The following USP7 variants were observed in gnomAD, a reference collection of about 807,000 sequenced individuals.
USP7 encodes the protein ubiquitin specific peptidase 7.
Under a neutral mutation model 162.9 loss-of-function variants are expected in USP7, and 9 were observed. That is an observed-to-expected ratio of 0.06 (90% CI 0.03 to 0.10). USP7 has a LOEUF of 0.10. USP7 is among the 10% of genes least tolerant of loss of function. The pLI is 1.00. For missense variants in USP7, 715 were observed against 1,373.7 expected, an observed-to-expected ratio of 0.52 and a Z score of 7.58; for synonymous variants, 562 against 475.9, an observed-to-expected ratio of 1.18 and a Z score of -2.35.
At position 8,931,234 on chromosome 16, in the gene USP7, C is replaced by G. The variant is rs189890781; in HGVS notation, c.80-837G>C. 2.9e-4 allele frequency among the ~76,000 whole-genome samples: 44 copies of G among 151,536 alleles called. 1 individual carries two copies. The East Asian group carries it at 8.6e-3, about 30-fold the overall frequency. On this transcript the variant is annotated intron_variant, in intron 1 of 30. Transcript: ENST00000344836. ...GACAGAGTCTCGCTCTGTCCCCCAGCCTGGAGTGCAGTGGCGCAATCTCAG... is the reference window on the plus strand; with the variant it reads ...GACAGAGTCTCGCTCTGTCCCCCAGGCTGGAGTGCAGTGGCGCAATCTCAG...
At chr16:8,941,998 C>G (rs1345874016) in intron 1 of USP7, among the ~76,000 whole-genome samples, 1 of 152,202 alleles carries the variant, frequency 6.6e-6, no homozygotes, top group Non-Finnish European at 1.5e-5. Flanking sequence ...AGACAACTGG[C>G]AAGCACAGAG....
intron 2 of USP7, among the ~76,000 whole-genome samples, chr16:8,925,896 T>C (rs1200238687): frequency 6.6e-6 from 1 of 152,238 alleles, no homozygotes; most frequent in African/African-American, 2.4e-5. Flanking sequence ...GGCTCACTCC[T>C]GTAATCACAG....
At chr16:8,895,778 G>A in intron 26 of USP7, 37 bp from the exon 27 acceptor site, 1 of 1,337,616 alleles carries the variant, frequency 7.5e-7, no homozygotes, top group South Asian at 1.3e-5. Flanking sequence ...GCAAAATGAA[G>A]TATATATATT....
intron 12 of USP7, among the ~76,000 whole-genome samples, chr16:8,907,016 C>A (rs970621825): frequency 1.3e-5 from 2 of 152,162 alleles, no homozygotes; most frequent in African/African-American, 4.8e-5. Context: ...CCAAATTTCA[C>A]CATCAGTGTT....
intron 1 of USP7, among the ~76,000 whole-genome samples, chr16:8,931,596 C>G (rs1888690415): frequency 6.6e-6 from 1 of 152,192 alleles, no homozygotes; most frequent in Non-Finnish European, 1.5e-5. Context: ...TAAATGCATG[C>G]TAAATGCTTG....
rs1188138559 is a variant in USP7 at position 8,921,149 on chromosome 16, T to C, written c.522+8A>G. On this transcript the variant is annotated splice_region_variant and intron_variant, in intron 4 of 30. Transcript: ENST00000344836. ...CCAATTGTTCAGACTAAATACACTG[T>C]TACTTACACTCCAGGCCATAAAATT... is the stretch of plus-strand genomic sequence containing the variant. 2 of 1,613,296 alleles carry C rather than the reference T, an allele frequency of 1.2e-6. No homozygotes were observed.
chr16:8,935,510 C>T (rs918207079), intron 1 of USP7: 1 of 152,196 alleles, frequency 6.6e-6, no homozygotes, highest in Non-Finnish European at 1.5e-5. Flanking sequence ...CATGCCCAGG[C>T]TATGGCACTA....
intron 2 of USP7, among the ~76,000 whole-genome samples, chr16:8,925,958 T>A (rs1897964682): frequency 6.7e-6 from 1 of 148,448 alleles, no homozygotes; most frequent in Non-Finnish European, 1.5e-5. Context: ...ATCGAGACCA[T>A]CCTGGCTAAC....
intron 16 of USP7, 25 bp downstream of exon 16, chr16:8,903,243 G>A (rs561942257): frequency 1.9e-6 from 3 of 1,600,848 alleles, no homozygotes; most frequent in Admixed American, 1.7e-5. Flanking sequence ...CCACGGTGGG[G>A]TATATCCACG....
At chr16:8,931,401 G>A (rs1468643737) in intron 1 of USP7, among the ~76,000 whole-genome samples, 4 of 152,152 alleles carry the variant, frequency 2.6e-5, no homozygotes, top group Non-Finnish European at 4.4e-5. Context: ...TCGGTCAACT[G>A]GTCTCGAACT....
chr16:8,931,210 A>T (rs551308599), intron 1 of USP7, among the ~76,000 whole-genome samples: 2 of 149,540 alleles, frequency 1.3e-5, no homozygotes, highest in South Asian at 4.2e-4. Context: ...TTTTTCTGAG[A>T]CAGAGTCTCG....
intron 2 of USP7, 73 bp from the exon 3 acceptor site, chr16:8,923,486 G>T: frequency 6.6e-7 from 1 of 1,510,148 alleles, no homozygotes; most frequent in Non-Finnish European, 9.1e-7. Context: ...TCGACATGGA[G>T]TAAACTGTTC....
intron 12 of USP7, among the ~76,000 whole-genome samples, chr16:8,907,517 G>A (rs1467892913): frequency 6.6e-6 from 1 of 152,170 alleles, no homozygotes; most frequent in Non-Finnish European, 1.5e-5. Flanking sequence ...ATCAGATAAG[G>A]TAGTGCACAT....
chr16:8,898,160 C>T (rs1372017023), intron 25 of USP7, among the ~76,000 whole-genome samples, 200 bp downstream of exon 25: 1 of 152,108 alleles, frequency 6.6e-6, no homozygotes, highest in Non-Finnish European at 1.5e-5. Flanking sequence ...TCCTTAGCTC[C>T]ACATGTCATG....
chr16:8,929,305 C>G (rs145846238), intron 2 of USP7: 1 of 355,846 alleles, frequency 2.8e-6, no homozygotes, highest in Non-Finnish European at 5.5e-6. Flanking sequence ...CCATTGCCCT[C>G]GTCTACGGTG....
At chr16:8,962,685 A>G (rs12447293) in intron 1 of USP7, 188,764 of 190,362 alleles carry the variant, frequency 0.99, 93,610 homozygotes, top group East Asian at 1. Flanking sequence ...CCTTGCAGGT[A>G]TTTTCGAACG....
intron 1 of USP7, among the ~76,000 whole-genome samples, chr16:8,955,388 G>C (rs1343382632): frequency 6.6e-6 from 1 of 151,984 alleles, no homozygotes; most frequent in African/African-American, 2.4e-5. Flanking sequence ...GGGATTACAG[G>C]CATAAGCCAC....
In USP7 at chr16:8,963,258, G is replaced by C; in HGVS notation, c.28C>G (p.Gln10Glu). 1 of 1,286,776 alleles carries C rather than the reference G, an allele frequency of 7.8e-7. No individual in the cohort carries two copies. The highest frequency in any genetic ancestry group is 1.0e-6 in the Non-Finnish European group (1 of 992,480). 79.7% of individuals were successfully genotyped at this position (1,286,776 alleles called of 1,614,324 possible). Residue 10 changes from glutamine to glutamate, a missense_variant, in exon 1 of 31, where the codon CAG (glutamine) becomes GAG (glutamate). By Grantham distance (29) the Gln-to-Glu change is conservative (BLOSUM62 2). This residue lies in a region of USP7 where 137 missense variants were observed against 123.5 expected (regional missense o/e 1.11). Transcript: ENST00000344836. Reference sequence around the variant, plus strand: ...CTCAACTGCTGCTCGCCCGCTTTCTGCTGCTGCTGCTGCTGCTGGTGGTTC... The same window carrying C: ...CTCAACTGCTGCTCGCCCGCTTTCTCCTGCTGCTGCTGCTGCTGGTGGTTC... MNHQQQQQQ[Q>E]KAGEQQLSEP... is the part of the protein sequence containing the mutation.
Position 8,894,623 on chromosome 16 carries a change from T to C in USP7, c.3129A>G (p.Val1043=), listed in dbSNP as rs1168536951. ...KEFEKFKFAI[V]MMGRHQYINE... is the part of the protein sequence containing the mutation. ...TTATGTACTGGTGTCGGCCCATCATTACAATTGCAAATTTAAACTAAAAGA... is the reference window on the plus strand; with the variant it reads ...TTATGTACTGGTGTCGGCCCATCATCACAATTGCAAATTTAAACTAAAAGA... Residue 1043 remains valine, a synonymous_variant, in exon 30 of 31, where the codon GTA becomes GTG. Coordinates refer to ENST00000344836, the MANE Select transcript of USP7 (RefSeq NM_003470.3). 1.9e-6 allele frequency: 3 copies of C among 1,613,840 alleles called. No homozygotes were observed. The highest frequency in any genetic ancestry group is 1.7e-6 in the Non-Finnish European group (2 of 1,180,004).
Sources: allele counts gnomAD v4.1 joint callset (sites outside exome capture counted in the v4.1 genomes callset), GRCh38; gene constraint gnomAD v4.1.1; regional missense constraint gnomAD v4.1.1; transcripts MANE v1.5; gene names NCBI Gene and HGNC (gene_info 2026-07-23, HGNC 2026-07-21).